NRXN1: variants seen among roughly 807,000 people sequenced by gnomAD.
NRXN1 encodes the protein neurexin 1.
In NRXN1, 39 loss-of-function variants were observed where a neutral mutation model predicts 150.9. That is an observed-to-expected ratio of 0.26 (90% CI 0.20 to 0.34). The LOEUF (loss-of-function observed/expected upper bound fraction) is 0.34. Ranked by LOEUF, NRXN1 falls within the 10% of genes least tolerant of loss-of-function variation. The probability of loss-of-function intolerance (pLI) is 1.00; values close to 1 mark genes in which losing one functional copy is unlikely to be tolerated. For synonymous variants in NRXN1, 924 were observed against 757.0 expected (o/e 1.22, Z -3.62); for missense variants, 1,815 against 1,949.9 (o/e 0.93, Z 1.30).
At chr2:50,130,129 G>A (rs79197831) in intron 18 of NRXN1, among the ~76,000 whole-genome samples, 3,655 of 152,138 alleles carry the variant, frequency 0.024, 79 homozygotes, top group Middle Eastern at 0.037. Flanking sequence ...CAGTTTTGTC[G>A]CTTCTTTCCA....
intron 5 of NRXN1, among the ~76,000 whole-genome samples, chr2:50,672,232 T>C (rs1386652985): frequency 1.3e-5 from 2 of 152,050 alleles, no homozygotes; most frequent in East Asian, 3.9e-4. Context: ...TTCTTCATTA[T>C]GTATCATCAG....
In NRXN1 at chr2:51,018,032, C is replaced by A. The variant is rs375289309; in HGVS notation, c.772+9470G>T. On this transcript the variant is annotated intron_variant, in intron 2 of 22. Coordinates refer to ENST00000401669, the MANE Select transcript of NRXN1 (RefSeq NM_001330078.2). ...TCTCCGCTGGACGGGGCTGTGGATT[C>A]TGCTGAATCTAGCAATGTCTGAGTA... Among the ~76,000 whole-genome samples, 45 of 152,182 alleles carry A rather than the reference C, an allele frequency of 3.0e-4. No individual in the cohort carries two copies. The South Asian group carries it at 9.1e-3, about 31-fold the overall frequency.
At chr2:50,808,186 G>C (rs1216409757) in intron 5 of NRXN1, among the ~76,000 whole-genome samples, 1 of 152,092 alleles carries the variant, frequency 6.6e-6, no homozygotes, top group Non-Finnish European at 1.5e-5. Context: ...ATTGTAAATA[G>C]TTTCCGGGGC....
chr2:50,162,330 T>A (rs1195127618), intron 18 of NRXN1, among the ~76,000 whole-genome samples: 2 of 152,288 alleles, frequency 1.3e-5, no homozygotes, highest in East Asian at 1.9e-4. Context: ...TTATTAAAAC[T>A]CTTCATGGAC....
intron 21 of NRXN1, among the ~76,000 whole-genome samples, chr2:50,005,476 G>C (rs372670732): frequency 2.9e-4 from 44 of 152,144 alleles, no homozygotes; most frequent in African/African-American, 1.0e-3. Context: ...TACCAACCGG[G>C]ACAACCATGA....
intron 17 of NRXN1, among the ~76,000 whole-genome samples, chr2:50,443,223 G>A (rs2086118660): frequency 6.6e-6 from 1 of 152,116 alleles, no homozygotes; most frequent in African/African-American, 2.4e-5. Flanking sequence ...AAGGGGGGGA[G>A]AGAAATAACA....
chr2:50,228,039 G>A (rs1370492057), intron 18 of NRXN1, among the ~76,000 whole-genome samples: 1 of 151,940 alleles, frequency 6.6e-6, no homozygotes, highest in Non-Finnish European at 1.5e-5. Flanking sequence ...TGAAATGAGA[G>A]GTGTTGTTAA....
chr2:50,057,993 A>G (rs1203764864), intron 19 of NRXN1, among the ~76,000 whole-genome samples: 1 of 152,156 alleles, frequency 6.6e-6, no homozygotes, highest in Non-Finnish European at 1.5e-5. Flanking sequence ...AGGTCTAAAC[A>G]AGACAGGTAG....
intron 17 of NRXN1, among the ~76,000 whole-genome samples, chr2:50,325,241 C>G (rs1391565714): frequency 6.6e-6 from 1 of 152,148 alleles, no homozygotes; most frequent in Non-Finnish European, 1.5e-5. Flanking sequence ...AAGAATGAAT[C>G]TTAACTAAGT....
At chr2:50,336,625 G>C (rs189571354) in intron 17 of NRXN1, among the ~76,000 whole-genome samples, 1 of 152,058 alleles carries the variant, frequency 6.6e-6, no homozygotes, top group Non-Finnish European at 1.5e-5. Flanking sequence ...TCATGACTGC[G>C]CTTGCAAATT....
chr2:50,795,634 G>T (rs1010051971), intron 5 of NRXN1, among the ~76,000 whole-genome samples: 1 of 151,182 alleles, frequency 6.6e-6, no homozygotes, highest in Non-Finnish European at 1.5e-5. Flanking sequence ...AAATCCAGAT[G>T]TAAATCTCAC....
chr2:50,808,836 C>A (rs1415285041), intron 5 of NRXN1, among the ~76,000 whole-genome samples: 3 of 152,078 alleles, frequency 2.0e-5, no homozygotes, highest in Admixed American at 6.6e-5. Flanking sequence ...AATTAAAGAT[C>A]TTAGAACCAT....
intron 2 of NRXN1, among the ~76,000 whole-genome samples, chr2:50,994,078 A>G (rs371911805): frequency 1.1e-3 from 164 of 152,060 alleles, no homozygotes; most frequent in African/African-American, 3.9e-3. Context: ...TTCCATATTT[A>G]TCATTCACCA....
intron 5 of NRXN1, among the ~76,000 whole-genome samples, chr2:50,654,729 G>A (rs1314718773): frequency 6.6e-6 from 1 of 152,050 alleles, no homozygotes; most frequent in Non-Finnish European, 1.5e-5. Flanking sequence ...ATTCTAACTG[G>A]TGTGAGATGG....
intron 5 of NRXN1, among the ~76,000 whole-genome samples, chr2:50,655,725 G>A (rs1262299105): frequency 1.3e-5 from 2 of 151,704 alleles, no homozygotes; most frequent in Non-Finnish European, 1.5e-5. Flanking sequence ...TTTGAAAACT[G>A]GGACATCATC....
At chr2:50,911,293 G>C (rs1398030909) in intron 5 of NRXN1, among the ~76,000 whole-genome samples, 1 of 151,684 alleles carries the variant, frequency 6.6e-6, no homozygotes, top group Non-Finnish European at 1.5e-5. Flanking sequence ...TCGTGTTCTT[G>C]TCCCCATAGG....
intron 18 of NRXN1, among the ~76,000 whole-genome samples, chr2:50,171,897 C>G (rs2060053919): frequency 6.6e-6 from 1 of 151,964 alleles, no homozygotes. Flanking sequence ...TTTTGGTTGC[C>G]TGAGAATAAA....
chr2:50,389,974 C>A (rs1278726318), intron 17 of NRXN1, among the ~76,000 whole-genome samples: 1 of 152,144 alleles, frequency 6.6e-6, no homozygotes, highest in Non-Finnish European at 1.5e-5. Flanking sequence ...ACTGGCATGT[C>A]AAACTCAGAA....
intron 17 of NRXN1, among the ~76,000 whole-genome samples, chr2:50,353,078 T>G (rs1350119281): frequency 6.6e-6 from 1 of 152,092 alleles, no homozygotes; most frequent in Admixed American, 6.5e-5. Context: ...TCACTCAAAT[T>G]GAATTAAAGC....
Sources: gnomAD v4.1 joint callset for allele counts (sites outside exome capture counted in the v4.1 genomes callset) on GRCh38, gnomAD v4.1.1 for gene constraint, MANE v1.5 for transcripts, NCBI Gene and HGNC (gene_info 2026-07-23, HGNC 2026-07-21) for gene names.